SRRM4: variants seen among roughly 807,000 people sequenced by gnomAD.
The protein encoded by SRRM4 is serine/arginine repetitive matrix protein 4.
Under a neutral mutation model 68.9 loss-of-function variants are expected in SRRM4, and 33 were observed. The ratio of observed to expected loss-of-function variants is 0.48; its 90% confidence interval spans 0.36 to 0.64. SRRM4 has a LOEUF of 0.64. Ranked by LOEUF, SRRM4 falls within the 30% of genes least tolerant of loss-of-function variation. The pLI is 0.00. For synonymous variants in SRRM4, 318 were observed against 318.8 expected (o/e 1.00, Z 0.03); for missense variants, 817 against 827.1 (o/e 0.99, Z 0.15).
intron 8 of SRRM4, among the ~76,000 whole-genome samples, chr12:119,141,470 C>T (rs1007231971): frequency 2.6e-5 from 4 of 152,012 alleles, no homozygotes; most frequent in African/African-American, 9.7e-5. Context: ...GTCTTGAGAC[C>T]CCAAGCTTCA....
intron 1 of SRRM4, among the ~76,000 whole-genome samples, chr12:119,025,851 G>A (rs565728417): frequency 6.6e-6 from 1 of 152,206 alleles, no homozygotes; most frequent in East Asian, 1.9e-4. Context: ...AAGGAAAAAG[G>A]GGAGAAAGAA....
At chr12:119,110,209 G>A (rs557647086) in intron 2 of SRRM4, among the ~76,000 whole-genome samples, 27 of 152,288 alleles carry the variant, frequency 1.8e-4, no homozygotes, top group African/African-American at 6.3e-4. Context: ...AGGGGCACCT[G>A]GCCATATGAG....
chr12:119,042,111 A>G (rs1440921038), intron 1 of SRRM4, among the ~76,000 whole-genome samples: 2 of 152,170 alleles, frequency 1.3e-5, no homozygotes, highest in East Asian at 3.9e-4. Context: ...AGACTTTCCC[A>G]AGAACACGCA....
chr12:119,054,408 A>C (rs1433738724), intron 1 of SRRM4, among the ~76,000 whole-genome samples: 1 of 152,220 alleles, frequency 6.6e-6, no homozygotes, highest in Non-Finnish European at 1.5e-5. Context: ...CCTACTTCAC[A>C]GTTGAGGCAC....
chr12:119,010,162 C>G (rs1953440052), intron 1 of SRRM4, among the ~76,000 whole-genome samples: 1 of 152,218 alleles, frequency 6.6e-6, no homozygotes, highest in African/African-American at 2.4e-5. Flanking sequence ...AAGCAATTCT[C>G]CGGCCTCAGC....
rs376653816 is a variant in SRRM4, at chr12:119,123,328, T to C, written c.515+1208T>C. ...AGGGAAGAACTTCCTCATCATCGAA[T>C]TTGTTCCGCTCAAGTCAAGAGACAA... On this transcript the variant is annotated intron_variant, in intron 6 of 12. Coordinates refer to ENST00000267260, the MANE Select transcript of SRRM4 (RefSeq NM_194286.4). 8.5e-5 allele frequency among the ~76,000 whole-genome samples: 13 copies of C among 152,270 alleles called. No homozygotes were observed. The East Asian group carries it at 1.7e-3, about 20-fold the overall frequency.
intron 7 of SRRM4, among the ~76,000 whole-genome samples, chr12:119,130,408 CAGAT>C (rs1389626924): frequency 8.4e-4 from 52 of 62,216 alleles, no homozygotes; most frequent in African/African-American, 2.5e-3. Context: ...GTTGCTTAGA[CAGAT>C]GGATGGATGG....
In SRRM4 at chr12:119,035,181, CTTCT is replaced by C. The variant is rs369281329; in HGVS notation, c.131+53171_131+53174del. 9.7e-4 allele frequency among the ~76,000 whole-genome samples: 148 copies of C among 152,112 alleles called. 1 individual carries two copies. The highest frequency in any genetic ancestry group is 3.6e-3 in the African/African-American group (148 of 41,490). ...TTCTCCTCTTCAATTGGAATATTAC[CTTCT>C]TTAACTATATAATTCGTGGGTCACA... On this transcript the variant is annotated intron_variant, in intron 1 of 12. Coordinates refer to ENST00000267260, the MANE Select transcript of SRRM4 (RefSeq NM_194286.4).
At position 119,129,963 on chromosome 12, in the gene SRRM4, A is replaced by AGATGGATG. The variant is rs10549675; in HGVS notation, c.615-674_615-667dup. The stretch of plus-strand genomic sequence containing the variant: ...TGGATGAACAGATGGAAGGAAGGAC[A>AGATGGATG]GATGGATGGATGGATGGATGGATGG... On this transcript the variant is annotated intron_variant, in intron 7 of 12. Coordinates refer to ENST00000267260, the MANE Select transcript of SRRM4 (RefSeq NM_194286.4). 4.1e-3 allele frequency among the ~76,000 whole-genome samples: 556 copies of AGATGGATG among 136,646 alleles called. 3 individuals carry two copies. Among genetic ancestry groups the AGATGGATG allele is most frequent in the Non-Finnish European group, 5.8e-3 (373 of 64,004 alleles). 89.6% of individuals were successfully genotyped at this position (136,646 alleles called of 152,430 possible).
rs1006610674 is a variant in SRRM4, at chr12:119,037,389, G to A, written c.131+55376G>A. ...TGGGTGGAGCTGGTGGGGAGGCTGG[G>A]AGGCAGGGGGAGAGACAGGGTGTCA... On this transcript the variant is annotated intron_variant, in intron 1 of 12. Transcript: ENST00000267260. 2.0e-5 allele frequency among the ~76,000 whole-genome samples: 3 copies of A among 152,286 alleles called. 1 individual carries two copies. In the East Asian group the frequency reaches 5.8e-4, roughly 29 times the overall value.
intron 1 of SRRM4, among the ~76,000 whole-genome samples, chr12:119,084,370 A>G (rs898724173): frequency 1.4e-4 from 21 of 152,358 alleles, no homozygotes; most frequent in African/African-American, 3.8e-4. Context: ...TATGAGGACT[A>G]GAGTCATGCA....
chr12:119,140,479 C>T (rs1215236759), intron 8 of SRRM4, among the ~76,000 whole-genome samples: 5 of 152,110 alleles, frequency 3.3e-5, no homozygotes, highest in African/African-American at 1.2e-4. Flanking sequence ...ACCCAGTAAC[C>T]ATGCCTACTT....
intron 1 of SRRM4, among the ~76,000 whole-genome samples, chr12:119,009,857 A>G (rs1953437855): frequency 6.6e-6 from 1 of 152,176 alleles, no homozygotes; most frequent in Non-Finnish European, 1.5e-5. Flanking sequence ...CCCAAATACC[A>G]ATTGCTTCAA....
At chr12:119,050,589 A>G (rs1341316984) in intron 1 of SRRM4, among the ~76,000 whole-genome samples, 1 of 152,248 alleles carries the variant, frequency 6.6e-6, no homozygotes, top group Non-Finnish European at 1.5e-5. Flanking sequence ...TTTTGTCATG[A>G]AAGCTCAAAG....
At position 119,034,022 on chromosome 12, in the gene SRRM4, A is replaced by G. The variant is rs1398701283; in HGVS notation, c.131+52009A>G. The stretch of plus-strand genomic sequence containing the variant: ...GTTTCACAGATTGGGTTGTCTGGAC[A>G]GTGGGGTCTGAGACGGAAATTAGCA... On this transcript the variant is annotated intron_variant, in intron 1 of 12. Transcript: ENST00000267260. Among the ~76,000 whole-genome samples the G allele has an allele frequency of 2.0e-5, 3 of 152,294 alleles. No homozygotes were observed. In the South Asian group the frequency reaches 6.2e-4, roughly 32 times the overall value.
At chr12:119,059,958 C>T (rs1953800573) in intron 1 of SRRM4, among the ~76,000 whole-genome samples, 1 of 152,082 alleles carries the variant, frequency 6.6e-6, no homozygotes, top group Admixed American at 6.6e-5. Flanking sequence ...GTTCATCAGC[C>T]AGTTCTCTGC....
chr12:119,122,430 G>C (rs1331611933), intron 6 of SRRM4, among the ~76,000 whole-genome samples: 1 of 152,182 alleles, frequency 6.6e-6, no homozygotes, highest in Non-Finnish European at 1.5e-5. Context: ...ATGTGTATGT[G>C]TATGCACGCT....
chr12:119,003,833 A>G (rs10851061), intron 1 of SRRM4, among the ~76,000 whole-genome samples: 42,363 of 151,940 alleles, frequency 0.28, 6,264 homozygotes, highest in Non-Finnish European at 0.31. Flanking sequence ...TAAGCAAACC[A>G]TCATAGAGAA....
At chr12:119,054,064 A>G (rs749028726) in intron 1 of SRRM4, among the ~76,000 whole-genome samples, 1 of 152,064 alleles carries the variant, frequency 6.6e-6, no homozygotes, top group Non-Finnish European at 1.5e-5. Flanking sequence ...GCTGGTAACC[A>G]TCCTTCTACT....
Sources: gnomAD v4.1 joint callset for allele counts (sites outside exome capture counted in the v4.1 genomes callset) on GRCh38, gnomAD v4.1.1 for gene constraint, MANE v1.5 for transcripts, NCBI Gene and HGNC (gene_info 2026-07-23, HGNC 2026-07-21) for gene names.